FTO: variants seen among roughly 807,000 people sequenced by gnomAD.
FTO encodes the protein alpha-ketoglutarate-dependent dioxygenase FTO.
FTO carries 47 observed loss-of-function variants against 63.9 expected under a neutral mutation model. That is an observed-to-expected ratio of 0.74 (90% confidence interval 0.58 to 0.94). The LOEUF (loss-of-function observed/expected upper bound fraction) is 0.94, where lower values mean the gene tolerates loss of function less well. Ranked by LOEUF, FTO falls within the 40% of genes least tolerant of loss-of-function variation. The pLI is 0.00. For synonymous variants in FTO, 207 were observed against 224.4 expected (o/e 0.92, Z 0.69); for missense variants, 562 against 618.1 (o/e 0.91, Z 0.96).
intron 1 of FTO, among the ~76,000 whole-genome samples, chr16:53,761,003 C>CT (rs2077054758): frequency 6.6e-6 from 1 of 151,316 alleles, no homozygotes; most frequent in South Asian, 2.1e-4. Flanking sequence ...TTTTTCTTTT[C>CT]TTTTCTTTCC....
chr16:53,985,606 C>T (rs993244302), intron 8 of FTO, among the ~76,000 whole-genome samples: 2 of 152,164 alleles, frequency 1.3e-5, no homozygotes, highest in Non-Finnish European at 2.9e-5. Context: ...CTCCTTCCTG[C>T]CCTGTTAAAA....
At chr16:53,969,000 C>T (rs1285131840) in intron 8 of FTO, among the ~76,000 whole-genome samples, 1 of 152,152 alleles carries the variant, frequency 6.6e-6, no homozygotes, top group African/African-American at 2.4e-5. Flanking sequence ...TTATTATTTT[C>T]CTCTCTCAGA....
intron 4 of FTO, among the ~76,000 whole-genome samples, chr16:53,872,527 G>C (rs1365018666): frequency 6.6e-6 from 1 of 152,176 alleles, no homozygotes; most frequent in Non-Finnish European, 1.5e-5. Context: ...GGCAATTGTA[G>C]GCATCTCTCA....
At chr16:53,931,648 G>A (rs1406598423) in intron 7 of FTO, among the ~76,000 whole-genome samples, 3 of 151,996 alleles carry the variant, frequency 2.0e-5, no homozygotes, top group Non-Finnish European at 4.4e-5. Context: ...TCAACTTTAA[G>A]AACATGAAGT....
intron 7 of FTO, chr16:53,911,160 C>G (rs1299477800): frequency 1.8e-6 from 1 of 543,710 alleles, no homozygotes; most frequent in East Asian, 2.9e-5. Context: ...GCAGTGTTCT[C>G]TCATATGTTA....
At chr16:53,720,141 T>C (rs972699999) in intron 1 of FTO, among the ~76,000 whole-genome samples, 7 of 152,230 alleles carry the variant, frequency 4.6e-5, no homozygotes, top group Admixed American at 3.9e-4. Flanking sequence ...ACTTGTAGTC[T>C]CACATTCCAA....
chr16:53,836,807 C>T lies in FTO; in HGVS notation c.752-7348C>T, dbSNP rs571111920. Reference sequence around the variant, plus strand: ...TCTAAAGCTCATGGCCCCCAAATGACTGCCCCCAGCTTTTGTGGCCACTCT... The same window carrying T: ...TCTAAAGCTCATGGCCCCCAAATGATTGCCCCCAGCTTTTGTGGCCACTCT... On this transcript the variant is annotated intron_variant, in intron 3 of 8. Transcript: ENST00000471389. Among the ~76,000 whole-genome samples the T allele has an allele frequency of 2.5e-3, 388 of 152,292 alleles. 2 individuals are homozygous for T. The highest frequency in any genetic ancestry group is 8.7e-3 in the African/African-American group (363 of 41,556).
At chr16:54,088,998 AG>A (rs2086316152) in intron 8 of FTO, among the ~76,000 whole-genome samples, 2 of 152,362 alleles carry the variant, frequency 1.3e-5, no homozygotes, top group East Asian at 3.9e-4. Flanking sequence ...AGGAGATGGC[AG>A]GAAGTTCTTT....
At chr16:53,792,756 T>C (rs2077958445) in intron 1 of FTO, among the ~76,000 whole-genome samples, 1 of 152,174 alleles carries the variant, frequency 6.6e-6, no homozygotes, top group Non-Finnish European at 1.5e-5. Context: ...TGCTGCAATA[T>C]GATTGAGAGA....
chr16:53,779,119 T>A (rs2077528787), intron 1 of FTO, among the ~76,000 whole-genome samples: 1 of 152,142 alleles, frequency 6.6e-6, no homozygotes, highest in African/African-American at 2.4e-5. Flanking sequence ...TGGAAGGCAA[T>A]CTTTCTGCTT....
At chr16:53,761,755 A>G (rs187993552) in intron 1 of FTO, among the ~76,000 whole-genome samples, 1 of 83,104 alleles carries the variant, frequency 1.2e-5, no homozygotes, top group African/African-American at 1.0e-4. Flanking sequence ...TTTTCACCCA[A>G]CTAGATTATG....
intron 8 of FTO, among the ~76,000 whole-genome samples, chr16:54,073,328 T>C (rs2085913561): frequency 6.6e-6 from 1 of 151,692 alleles, no homozygotes; most frequent in Admixed American, 6.6e-5. Flanking sequence ...GATGTCTCTC[T>C]TCTCTGACTC....
At chr16:54,093,882 AG>A (rs1206225625) in intron 8 of FTO, among the ~76,000 whole-genome samples, 1 of 152,184 alleles carries the variant, frequency 6.6e-6, no homozygotes, top group African/African-American at 2.4e-5. Flanking sequence ...TCCCAGAGCC[AG>A]GGGGCTTTGA....
chr16:53,704,296 G>T, intron 1 of FTO, 67 bp downstream of exon 1: 33 of 1,498,184 alleles, frequency 2.2e-5, no homozygotes, highest in Non-Finnish European at 3.0e-5. Context: ...AACCGGAAGG[G>T]CTTGGTTTGA....
At chr16:53,765,306 T>G (rs59807678) in intron 1 of FTO, among the ~76,000 whole-genome samples, 554 of 151,924 alleles carry the variant, frequency 3.6e-3, no homozygotes, top group African/African-American at 0.013. Context: ...CCTGTAATCC[T>G]AGCACTTTGG....
At chr16:53,779,745 TCTCAAAC>T (rs2077543203) in intron 1 of FTO, among the ~76,000 whole-genome samples, 1 of 152,176 alleles carries the variant, frequency 6.6e-6, no homozygotes, top group African/African-American at 2.4e-5. Flanking sequence ...TATAGTTTTA[TCTCAAAC>T]CTCTTATTAA....
intron 2 of FTO, among the ~76,000 whole-genome samples, chr16:53,812,100 A>C (rs919540556): frequency 2.6e-5 from 4 of 152,086 alleles, no homozygotes; most frequent in Non-Finnish European, 5.9e-5. Context: ...GGCATGACCC[A>C]CCATGCCCAG....
At chr16:54,005,068 TAAA>T (rs777739385) in intron 8 of FTO, among the ~76,000 whole-genome samples, 2 of 97,778 alleles carry the variant, frequency 2.0e-5, no homozygotes, top group Non-Finnish European at 2.0e-5. Flanking sequence ...AGGCTCCGTC[TAAA>T]AAAAAAAAAA....
At chr16:54,070,730 T>C (rs780000901) in intron 8 of FTO, 11 of 152,332 alleles carry the variant, frequency 7.2e-5, no homozygotes, top group Non-Finnish European at 1.5e-4. Flanking sequence ...TGGATCCTGC[T>C]TAATGAGAGA....
Sources: gnomAD v4.1 joint callset for allele counts (sites outside exome capture counted in the v4.1 genomes callset) on GRCh38, gnomAD v4.1.1 for gene constraint, MANE v1.5 for transcripts, NCBI Gene and HGNC (gene_info 2026-07-23, HGNC 2026-07-21) for gene names.